Variants in KCP observed in about 807,000 individuals in gnomAD.
KCP encodes the protein kielin cysteine rich BMP regulator, also known as kielin/chordin-like protein.
In KCP, 194 loss-of-function variants were observed where a neutral mutation model predicts 212.7. The observed-to-expected ratio is 0.91, with a 90% CI of 0.81 to 1.03. The LOEUF is 1.03. KCP is among the 50% of genes least tolerant of loss of function. The pLI, the probability that KCP is intolerant of heterozygous loss-of-function variation, is 0.00. For missense variants in KCP, 2,080 were observed against 2,162.5 expected, an observed-to-expected ratio of 0.96 and a Z score of 0.76; for synonymous variants, 833 against 865.3, an observed-to-expected ratio of 0.96 and a Z score of 0.65.
chr7:128,908,128 CAAA>C lies in KCP; in HGVS notation c.219+295_219+297del, dbSNP rs11323714. On this transcript the variant is annotated intron_variant, in intron 2 of 39. Transcript: ENST00000610776. Reference sequence around the variant, plus strand: ...TGGGTGACACATGGTGACTCCATCTCAAAAAAAAAAAAAAGAAAGAGAGAGAGA... The same window carrying C: ...TGGGTGACACATGGTGACTCCATCTCAAAAAAAAAAAGAAAGAGAGAGAGA... Among the ~76,000 whole-genome samples the C allele has an allele frequency of 4.0e-3, 302 of 76,116 alleles. 1 individual carries two copies. Among genetic ancestry groups the C allele is most frequent in the Middle Eastern group, 8.2e-3 (1 of 122 alleles). 49.9% of individuals were successfully genotyped at this position (76,116 alleles called of 152,430 possible).
intron 1 of KCP, among the ~76,000 whole-genome samples, chr7:128,909,878 C>T (rs1396286547): frequency 1.3e-5 from 2 of 152,190 alleles, no homozygotes; most frequent in Non-Finnish European, 2.9e-5. Flanking sequence ...ATCCTGTCAC[C>T]CGGAATGGCA....
At chr7:128,899,716 A>T (rs923247590) in intron 8 of KCP, among the ~76,000 whole-genome samples, 1 of 146,918 alleles carries the variant, frequency 6.8e-6, no homozygotes, top group African/African-American at 2.7e-5. Flanking sequence ...GAGTATTCTT[A>T]ATTTATGGCA....
chr7:128,883,286 T>C (rs908505002), intron 29 of KCP, among the ~76,000 whole-genome samples: 2 of 151,732 alleles, frequency 1.3e-5, no homozygotes, highest in Non-Finnish European at 2.9e-5. Context: ...ACTACAGGCA[T>C]GCCCCATCAT....
intron 1 of KCP, 129 bp from the exon 2 acceptor site, chr7:128,908,697 A>T: frequency 3.0e-6 from 3 of 1,004,518 alleles, no homozygotes; most frequent in Non-Finnish European, 4.3e-6. Flanking sequence ...CCAATTGCCC[A>T]CCCACCATCC....
chr7:128,908,266 G>GA (rs1407347537), intron 2 of KCP, among the ~76,000 whole-genome samples, 160 bp downstream of exon 2: 1 of 146,368 alleles, frequency 6.8e-6, no homozygotes, highest in Non-Finnish European at 1.5e-5. Flanking sequence ...AAGAAAGAAA[G>GA]AAAGAAAGAA....
At position 128,890,165 on chromosome 7, in the gene KCP, C is replaced by T. The variant is rs1585217503; in HGVS notation, c.2335+178G>A. The T allele has an allele frequency of 1.5e-5, 18 of 1,183,652 alleles. 1 individual carries two copies. In the South Asian group the frequency reaches 2.2e-4, roughly 15 times the overall value. The allele number at this position is 1,183,652 out of a possible 1,614,324, so 73.3% of individuals were successfully genotyped here. A position where few individuals can be genotyped will look rare whatever the true frequency, so the allele number is the denominator to read the frequency against. ...GAACTCCTGGGCTCAAGTGATCCTC[C>T]TGCCTCAGCCTCCCAAATTGTCGGG... On this transcript the variant is annotated intron_variant, in intron 21 of 39. Coordinates refer to ENST00000610776, the MANE Select transcript of KCP (RefSeq NM_001366122.1).
At chr7:128,887,072 A>T in intron 23 of KCP, 106 bp from the exon 24 acceptor site, 2 of 1,032,310 alleles carry the variant, frequency 1.9e-6, no homozygotes, top group Non-Finnish European at 3.0e-6. Context: ...TTGGCCCGGG[A>T]CACCTGAGCC....
intron 1 of KCP, among the ~76,000 whole-genome samples, chr7:128,910,213 G>A (rs1273396795): frequency 1.3e-5 from 2 of 152,176 alleles, no homozygotes; most frequent in Non-Finnish European, 2.9e-5. Flanking sequence ...GCCCCGTGCC[G>A]GCACCGAGCC....
At chr7:128,888,427 TAC>T (rs571747124) in intron 22 of KCP, among the ~76,000 whole-genome samples, 84 of 52,400 alleles carry the variant, frequency 1.6e-3, no homozygotes, top group Middle Eastern at 0.028. Flanking sequence ...CAGCAACACA[TAC>T]ACACACATAT....
At chr7:128,884,501 C>G (rs911165013) in intron 28 of KCP, among the ~76,000 whole-genome samples, 1 of 152,182 alleles carries the variant, frequency 6.6e-6, no homozygotes, top group Non-Finnish European at 1.5e-5. Context: ...CCCCTAGCCA[C>G]GTCCCAGGTG....
chr7:128,886,908 G>T lies in KCP; in HGVS notation c.2657C>A (p.Ser886Tyr). ...AACAGGGCAGAAGCAGGGGCCTGGA[G>T]AGGGGTGGGGGCAGAGAGCTGGGGG... ...PCPPALCPHP[S>Y]PGPCFCPVCH... Residue 886 changes from serine to tyrosine, a missense_variant, in exon 24 of 40, where the codon TCT (serine) becomes TAT (tyrosine). By Grantham distance (144) the Ser-to-Tyr change is moderately radical. Coordinates refer to ENST00000610776, the MANE Select transcript of KCP (RefSeq NM_001366122.1). The T allele has an allele frequency of 6.5e-7, 1 of 1,531,892 alleles. No individual in the cohort carries two copies. The allele number at this position is 1,531,892 out of a possible 1,614,324, so 94.9% of individuals were successfully genotyped here.
At chr7:128,897,609 A>G (rs7794266) in intron 8 of KCP, among the ~76,000 whole-genome samples, 2,797 of 152,366 alleles carry the variant, frequency 0.018, 78 homozygotes, top group African/African-American at 0.061. Context: ...AGTTTTAAAG[A>G]TTATTGATAA....
chr7:128,888,561 C>T (rs1319897396), intron 22 of KCP, among the ~76,000 whole-genome samples: 1 of 151,464 alleles, frequency 6.6e-6, no homozygotes. Flanking sequence ...CACATACATA[C>T]ACACACATAT....
intron 8 of KCP, 90 bp from the exon 9 acceptor site, chr7:128,894,383 A>G: frequency 9.7e-7 from 1 of 1,034,392 alleles, no homozygotes; most frequent in South Asian, 1.7e-5. Context: ...CACTTATTAG[A>G]TGTGTTTATG....
intron 5 of KCP, 133 bp downstream of exon 5, chr7:128,906,146 A>G: frequency 2.7e-6 from 2 of 729,152 alleles, no homozygotes; most frequent in Non-Finnish European, 4.8e-6. Context: ...TGGGTTCTGC[A>G]CTCCCCTGGC....
At chr7:128,906,734 T>G (rs532282557) in intron 4 of KCP, among the ~76,000 whole-genome samples, 1 of 152,012 alleles carries the variant, frequency 6.6e-6, no homozygotes, top group Non-Finnish European at 1.5e-5. Context: ...AAGTAGAAGA[T>G]GGGCAGTGGA....
chr7:128,886,928 T>C lies in KCP; in HGVS notation c.2637A>G (p.Pro879=), dbSNP rs1793687330. ...CTGGAGAGGGGTGGGGGCAGAGAGCTGGGGGACATGGCTTCTTCTGGCAGC... is the reference window on the plus strand; with the variant it reads ...CTGGAGAGGGGTGGGGGCAGAGAGCCGGGGGACATGGCTTCTTCTGGCAGC... The part of the protein sequence containing the change: ...SMRCQKKPCP[P]ALCPHPSPGP... The change falls in exon 24 of 40, where the codon CCA becomes CCG. Residue 879 remains proline (P), a synonymous_variant. Transcript: ENST00000610776. The C allele has an allele frequency of 3.4e-6, 5 of 1,470,772 alleles. No homozygotes were observed. Among genetic ancestry groups the C allele is most frequent in the Non-Finnish European group, 3.7e-6 (4 of 1,086,598 alleles). 91.1% of individuals were successfully genotyped at this position (1,470,772 alleles called of 1,614,324 possible).
chr7:128,894,037 C>T lies in KCP; in HGVS notation c.944G>A (p.Arg315Gln), dbSNP rs1235559343. 5.8e-6 allele frequency: 9 copies of T among 1,549,984 alleles called. No individual in the cohort carries two copies. Among genetic ancestry groups the T allele is most frequent in the South Asian group, 2.4e-5 (2 of 83,988 alleles). ...PVCDGCFLNG[R>Q]EHRSGEPVGS... ...CACAGGCTCCCCGCTGCGGTGCTCC[C>T]GCCCGTTTAGGAAACAGCCTGTTGG... The change falls in exon 10 of 40, where the codon CGG becomes CAG. Residue 315 changes from arginine (R) to glutamine (Q), a missense_variant. By Grantham distance (43) the Arg-to-Gln change is conservative. Transcript: ENST00000610776.
At chr7:128,877,836 G>A in intron 38 of KCP, 46 bp from the exon 39 acceptor site, 2 of 1,494,546 alleles carry the variant, frequency 1.3e-6, no homozygotes, top group Non-Finnish European at 1.8e-6. Flanking sequence ...ACTGGCAGCT[G>A]GCCTCTGCAT....
Sources: allele counts gnomAD v4.1 joint callset (sites outside exome capture counted in the v4.1 genomes callset), GRCh38; gene constraint gnomAD v4.1.1; transcripts MANE v1.5; gene names NCBI Gene and HGNC (gene_info 2026-07-23, HGNC 2026-07-21).